The following DPYSL3 variants were observed in gnomAD, a reference collection of about 807,000 sequenced individuals.
DPYSL3 encodes the protein dihydropyrimidinase like 3, also known as dihydropyrimidinase-related protein 3.
DPYSL3 carries 16 observed loss-of-function variants against 66.1 expected under a neutral mutation model. The ratio of observed to expected loss-of-function variants is 0.24; its 90% CI spans 0.16 to 0.37. The LOEUF is 0.37. Ranked by LOEUF, DPYSL3 falls within the 10% of genes least tolerant of loss-of-function variation. The pLI, the probability that DPYSL3 is intolerant of heterozygous loss-of-function variation, is 1.00. For synonymous variants in DPYSL3, 338 were observed against 345.1 expected, an observed-to-expected ratio of 0.98 and a Z score of 0.23; for missense variants, 738 against 916.2, an observed-to-expected ratio of 0.81 and a Z score of 2.51.
At chr5:147,463,190 G>A (rs772832224) in intron 1 of DPYSL3, among the ~76,000 whole-genome samples, 3 of 152,114 alleles carry the variant, frequency 2.0e-5, no homozygotes, top group African/African-American at 4.8e-5. Context: ...CTTATGACCA[G>A]CTGATAGAGA....
chr5:147,444,600 C>T (rs1752594955), intron 1 of DPYSL3, among the ~76,000 whole-genome samples: 1 of 152,066 alleles, frequency 6.6e-6, no homozygotes, highest in Non-Finnish European at 1.5e-5. Flanking sequence ...TTTTGTCCTC[C>T]CTTTAAAAGG....
Position 147,509,838 on chromosome 5 carries a change from G to C in DPYSL3, c.21C>G (p.Gly7=). The C allele has an allele frequency of 6.5e-7, 1 of 1,530,480 alleles. No homozygotes were observed. The highest frequency in any genetic ancestry group is 8.8e-7 in the Non-Finnish European group (1 of 1,142,818). 94.8% of individuals were successfully genotyped at this position (1,530,480 alleles called of 1,614,324 possible). MASGRR[G]WDSSHEDDLP... ...GATCGTCTTCGTGGGAGCTGTCCCA[G>C]CCCCTCCGGCCCGAGGCCATGGTTC... is the stretch of plus-strand genomic sequence containing the variant. The change falls in exon 1 of 14, where the codon GGC becomes GGG. Residue 7 remains glycine (G), a synonymous_variant. Transcript: ENST00000343218. The surrounding 1 kb of genome is among the most constrained non-coding windows in gnomAD (Gnocchi z 5.3).
rs1302660268 is a variant in DPYSL3, at chr5:147,457,101, T to C, written c.382-32138A>G. Among the ~76,000 whole-genome samples, 3 of 152,222 alleles carry C rather than the reference T, an allele frequency of 2.0e-5. No individual in the cohort carries two copies. In the East Asian group the frequency reaches 5.8e-4, roughly 29 times the overall value. On this transcript the variant is annotated intron_variant, in intron 1 of 13. Coordinates refer to ENST00000343218, the MANE Select transcript of DPYSL3 (RefSeq NM_001197294.2). ...TTACCTTGTGCTTACTATGTGCCATTATTTTTATCAGTGTTAGTGCAATGG... is the reference window on the plus strand; with the variant it reads ...TTACCTTGTGCTTACTATGTGCCATCATTTTTATCAGTGTTAGTGCAATGG...
chr5:147,400,429 T>C (rs1355293017), intron 10 of DPYSL3, among the ~76,000 whole-genome samples: 1 of 152,216 alleles, frequency 6.6e-6, no homozygotes, highest in Non-Finnish European at 1.5e-5. Context: ...ATTCGTACAC[T>C]CAGATGAAGG....
chr5:147,452,638 G>C (rs1752753672), intron 1 of DPYSL3, among the ~76,000 whole-genome samples: 1 of 152,080 alleles, frequency 6.6e-6, no homozygotes, highest in African/African-American at 2.4e-5. Flanking sequence ...AGCCTTGCTG[G>C]GCGCCGGTGA....
chr5:147,432,750 G>C (rs1426679950), intron 1 of DPYSL3, among the ~76,000 whole-genome samples: 1 of 152,172 alleles, frequency 6.6e-6, no homozygotes, highest in Non-Finnish European at 1.5e-5. Context: ...GCAATAAACT[G>C]TGCTGTTATT....
intron 1 of DPYSL3, among the ~76,000 whole-genome samples, chr5:147,436,932 A>C (rs1394298132): frequency 6.6e-6 from 1 of 152,236 alleles, no homozygotes; most frequent in African/African-American, 2.4e-5. Context: ...TCAACCATAC[A>C]GCAATGTAGC....
chr5:147,436,472 G>C (rs72833342), intron 1 of DPYSL3, among the ~76,000 whole-genome samples: 1 of 152,216 alleles, frequency 6.6e-6, no homozygotes, highest in Non-Finnish European at 1.5e-5. Context: ...CTGGAAGAAA[G>C]TTCCAGAAGG....
intron 1 of DPYSL3, among the ~76,000 whole-genome samples, chr5:147,483,655 T>G (rs7709473): frequency 0.036 from 5,502 of 152,232 alleles, 331 homozygotes; most frequent in African/African-American, 0.12. Flanking sequence ...CAAAGGAATC[T>G]CAGGTGAGTG....
chr5:147,430,509 CAAAAAAAAA>C (rs555965885), intron 1 of DPYSL3, among the ~76,000 whole-genome samples: 1 of 39,886 alleles, frequency 2.5e-5, no homozygotes. Flanking sequence ...GACTCGGTCT[CAAAAAAAAA>C]AAAAAAGAAA....
At chr5:147,468,597 AC>A (rs1257890335) in intron 1 of DPYSL3, among the ~76,000 whole-genome samples, 2 of 152,326 alleles carry the variant, frequency 1.3e-5, no homozygotes, top group East Asian at 3.9e-4. Flanking sequence ...ACTGTAAAAG[AC>A]TATCGCAAGA....
At chr5:147,439,477 C>A (rs1581195248) in intron 1 of DPYSL3, among the ~76,000 whole-genome samples, 1 of 152,090 alleles carries the variant, frequency 6.6e-6, no homozygotes, top group African/African-American at 2.4e-5. Context: ...AGTGGCAGGA[C>A]TGGAGACCAG....
chr5:147,444,536 A>C (rs903029316), intron 1 of DPYSL3, among the ~76,000 whole-genome samples: 1 of 152,190 alleles, frequency 6.6e-6, no homozygotes, highest in African/African-American at 2.4e-5. Flanking sequence ...ATAGTTCTTC[A>C]AACACTTTCT....
At chr5:147,455,911 T>A (rs1327236944) in intron 1 of DPYSL3, among the ~76,000 whole-genome samples, 1 of 120,804 alleles carries the variant, frequency 8.3e-6, no homozygotes, top group Non-Finnish European at 1.6e-5. Flanking sequence ...ATCACTTGAT[T>A]GTGTGTGTGT....
At chr5:147,411,726 T>G (rs780983618) in intron 6 of DPYSL3, among the ~76,000 whole-genome samples, 2 of 152,214 alleles carry the variant, frequency 1.3e-5, no homozygotes, top group Non-Finnish European at 2.9e-5. Flanking sequence ...ACACCCCTGC[T>G]GACCACATTC....
chr5:147,496,231 C>A (rs1753505658), intron 1 of DPYSL3, among the ~76,000 whole-genome samples: 1 of 152,170 alleles, frequency 6.6e-6, no homozygotes, highest in African/African-American at 2.4e-5. Context: ...TTCCTTACAT[C>A]TTATACAAAA....
At chr5:147,438,327 G>A (rs1245125073) in intron 1 of DPYSL3, among the ~76,000 whole-genome samples, 2 of 152,292 alleles carry the variant, frequency 1.3e-5, no homozygotes, top group African/African-American at 4.8e-5. Context: ...GACTTCAAGA[G>A]GTCAGGCAGA....
intron 1 of DPYSL3, among the ~76,000 whole-genome samples, chr5:147,457,971 C>A (rs1202764987): frequency 3.9e-5 from 6 of 152,102 alleles, no homozygotes; most frequent in Admixed American, 3.9e-4. Context: ...CTAAGACCAT[C>A]TAGGAAAGAA....
intron 3 of DPYSL3, among the ~76,000 whole-genome samples, chr5:147,417,414 C>T (rs1039710941): frequency 6.6e-6 from 1 of 152,214 alleles, no homozygotes; most frequent in Non-Finnish European, 1.5e-5. Flanking sequence ...TGGAGAATTG[C>T]ACCCTGAATT....
Sources: gnomAD v4.1 joint callset for allele counts (sites outside exome capture counted in the v4.1 genomes callset) on GRCh38, gnomAD v4.1.1 for gene constraint, Gnocchi (gnomAD v3.1) non-coding constraint, MANE v1.5 for transcripts, NCBI Gene and HGNC (gene_info 2026-07-23, HGNC 2026-07-21) for gene names.